Variants in CHN2 observed in about 807,000 individuals in gnomAD.
CHN2 encodes the protein chimerin 2.
A neutral mutation model predicts 56.3 loss-of-function variants in CHN2; 35 were observed. That is an observed-to-expected ratio of 0.62 (90% CI 0.47 to 0.82). The LOEUF (loss-of-function observed/expected upper bound fraction) is 0.82, where lower values mean the gene tolerates loss of function less well. Among genes scored for constraint, CHN2 ranks in the 40% least tolerant of loss-of-function variants. CHN2 has a pLI of 0.00. For synonymous variants in CHN2, 210 were observed against 212.8 expected, an observed-to-expected ratio of 0.99 and a Z score of 0.12; for missense variants, 491 against 580.5, an observed-to-expected ratio of 0.85 and a Z score of 1.58.
At chr7:29,218,517 G>A (rs554562988) in intron 1 of CHN2, among the ~76,000 whole-genome samples, 13 of 152,048 alleles carry the variant, frequency 8.5e-5, no homozygotes, top group Admixed American at 5.9e-4. Flanking sequence ...TGTTTATAGC[G>A]GCACTATTCA....
At chr7:29,400,189 T>G (rs1802086629) in intron 5 of CHN2, 1 of 292,952 alleles carries the variant, frequency 3.4e-6, no homozygotes, top group Middle Eastern at 4.1e-4. Flanking sequence ...GGCATTACCC[T>G]CTGACCCTTA....
intron 6 of CHN2, chr7:29,479,885 C>A: frequency 7.1e-7 from 1 of 1,401,906 alleles, no homozygotes; most frequent in South Asian, 1.6e-5. Flanking sequence ...TCCAGGCGCA[C>A]GTCGGCCTTA....
intron 2 of CHN2, among the ~76,000 whole-genome samples, chr7:29,158,544 T>G (rs1227143819): frequency 6.6e-6 from 1 of 151,948 alleles, no homozygotes; most frequent in Non-Finnish European, 1.5e-5. Context: ...ATATTGATAC[T>G]TAAGTTTACC....
At chr7:29,302,464 C>T (rs1199924849) in intron 1 of CHN2, among the ~76,000 whole-genome samples, 1 of 150,256 alleles carries the variant, frequency 6.7e-6, no homozygotes, top group Non-Finnish European at 1.5e-5. Flanking sequence ...GCTAGGAGTA[C>T]AGGCATGTGC....
At chr7:29,374,525 G>A (rs895848290) in intron 3 of CHN2, among the ~76,000 whole-genome samples, 8 of 151,908 alleles carry the variant, frequency 5.3e-5, no homozygotes, top group South Asian at 4.2e-4. Context: ...ACAGATCCCC[G>A]CAAGTATGCA....
At chr7:29,286,021 C>T (rs187304829) in intron 1 of CHN2, among the ~76,000 whole-genome samples, 104 of 152,236 alleles carry the variant, frequency 6.8e-4, no homozygotes, top group African/African-American at 2.2e-3. Context: ...ATTTCCTGGC[C>T]GCCAAGTACA....
chr7:29,286,449 G>C (rs899813582), intron 1 of CHN2, among the ~76,000 whole-genome samples: 1 of 152,046 alleles, frequency 6.6e-6, no homozygotes, highest in African/African-American at 2.4e-5. Flanking sequence ...TGTGGGGATG[G>C]GGTGGGGAGG....
At chr7:29,452,308 C>T (rs1399432555) in intron 6 of CHN2, among the ~76,000 whole-genome samples, 1 of 152,134 alleles carries the variant, frequency 6.6e-6, no homozygotes, top group Non-Finnish European at 1.5e-5. Flanking sequence ...TATCGCCAGG[C>T]TGGGCCTCGG....
At chr7:29,220,767 T>C (rs1414733131) in intron 1 of CHN2, among the ~76,000 whole-genome samples, 1 of 152,088 alleles carries the variant, frequency 6.6e-6, no homozygotes, top group African/African-American at 2.4e-5. Context: ...TTATAGAAAA[T>C]AGAAAAAGAT....
intron 1 of CHN2, among the ~76,000 whole-genome samples, chr7:29,238,015 CTTTTTTTTT>C (rs11405147): frequency 9.4e-6 from 1 of 106,004 alleles, no homozygotes; most frequent in Non-Finnish European, 1.8e-5. Flanking sequence ...TATGTATTCT[CTTTTTTTTT>C]TTTTTTTTTT....
chr7:29,273,517 GTC>G lies in CHN2; in HGVS notation c.49+78533_49+78534del, dbSNP rs1304868663. On this transcript the variant is annotated intron_variant, in intron 1 of 12. Coordinates refer to ENST00000222792, the MANE Select transcript of CHN2 (RefSeq NM_004067.4). ...GCTATCTTTTTGAAGTGATGAGCTT[GTC>G]TCTCTTGAGTATATGCCCAGAAGAG... Among the ~76,000 whole-genome samples the G allele has an allele frequency of 1.1e-4, 16 of 151,378 alleles. No homozygotes were observed. The East Asian group carries it at 3.1e-3, about 29-fold the overall frequency.
chr7:29,324,092 T>TG (rs1385302257), intron 1 of CHN2, among the ~76,000 whole-genome samples: 1 of 142,556 alleles, frequency 7.0e-6, no homozygotes, highest in Non-Finnish European at 1.5e-5. Context: ...TTTTGGGAGG[T>TG]GGGGGGCGGG....
In CHN2 at chr7:29,400,466, C is replaced by A; in HGVS notation, c.291-77C>A. The stretch of plus-strand genomic sequence containing the variant: ...TGGGATACACTAAGTATTCAAAAAA[C>A]GTTAGCTGCTATTGTTATCATTCCA... On this transcript the variant is annotated intron_variant, in intron 5 of 12. Transcript: ENST00000222792. The A allele has an allele frequency of 2.8e-6, 4 of 1,427,428 alleles. No individual in the cohort carries two copies. The East Asian group carries it at 6.8e-5, about 24-fold the overall frequency. 88.4% of individuals were successfully genotyped at this position (1,427,428 alleles called of 1,614,324 possible).
At chr7:29,479,699 G>T (rs1786917376) in intron 6 of CHN2, 14 of 1,051,980 alleles carry the variant, frequency 1.3e-5, no homozygotes, top group African/African-American at 1.7e-5. Flanking sequence ...CTGGCTGGGG[G>T]GTGTGTGCGC....
intron 1 of CHN2, among the ~76,000 whole-genome samples, chr7:29,263,601 G>A (rs917395601): frequency 3.4e-4 from 52 of 152,010 alleles, no homozygotes; most frequent in African/African-American, 1.2e-3. Context: ...CTGCCTCGCT[G>A]CCCATTATCT....
intron 1 of CHN2, chr7:29,212,410 C>T: frequency 6.2e-7 from 1 of 1,607,140 alleles, no homozygotes; most frequent in Non-Finnish European, 8.5e-7. Flanking sequence ...AACTATCCAT[C>T]CTTGCAAATG....
At chr7:29,266,865 C>T (rs77647620) in intron 1 of CHN2, among the ~76,000 whole-genome samples, 3,245 of 152,304 alleles carry the variant, frequency 0.021, 115 homozygotes, top group African/African-American at 0.074. Context: ...CTCTTCTAGT[C>T]GAGAAACCTA....
At chr7:29,339,541 G>T (rs958408895) in intron 1 of CHN2, among the ~76,000 whole-genome samples, 1 of 152,150 alleles carries the variant, frequency 6.6e-6, no homozygotes, top group African/African-American at 2.4e-5. Context: ...TAACAATATT[G>T]TTTTTTGTTA....
intron 7 of CHN2, among the ~76,000 whole-genome samples, chr7:29,488,081 G>T (rs1365448008): frequency 6.6e-6 from 1 of 152,232 alleles, no homozygotes; most frequent in Non-Finnish European, 1.5e-5. Context: ...TAGGGCAGCT[G>T]CTAATGAGAA....
Sources: allele counts gnomAD v4.1 joint callset (sites outside exome capture counted in the v4.1 genomes callset), GRCh38; gene constraint gnomAD v4.1.1; transcripts MANE v1.5; gene names NCBI Gene and HGNC (gene_info 2026-07-23, HGNC 2026-07-21).